The following CCDC146 variants were observed in gnomAD, a reference collection of about 807,000 sequenced individuals.
The protein encoded by CCDC146 is coiled-coil domain containing 146, also known as coiled-coil domain-containing protein 146.
Under a neutral mutation model 119.3 loss-of-function variants are expected in CCDC146, and 92 were observed. The ratio of observed to expected loss-of-function variants is 0.77; its 90% CI spans 0.65 to 0.92. CCDC146 has a LOEUF of 0.92. Ranked by LOEUF, CCDC146 falls within the 40% of genes least tolerant of loss-of-function variation. The pLI, the probability that CCDC146 is intolerant of heterozygous loss-of-function variation, is 0.00. For synonymous variants in CCDC146, 372 were observed against 371.8 expected (o/e 1.00, Z -0.01); for missense variants, 1,000 against 1,103.0 (o/e 0.91, Z 1.32).
chr7:77,223,594 TGGACAGGCCAAA>T (rs1584087605), intron 2 of CCDC146, among the ~76,000 whole-genome samples: 1 of 152,398 alleles, frequency 6.6e-6, no homozygotes, highest in East Asian at 1.9e-4. Flanking sequence ...TCCAGGCCTA[TGGACAGGCCAAA>T]TTACCTTGCT....
chr7:77,292,803 T>G, intron 17 of CCDC146, 149 bp from the exon 18 acceptor site: 1 of 737,960 alleles, frequency 1.4e-6, no homozygotes, highest in Non-Finnish European at 2.2e-6. Flanking sequence ...CTGCAGTCTC[T>G]TCCAGTTCTT....
At chr7:77,197,003 G>A (rs1182220748) in intron 2 of CCDC146, 2 of 1,433,056 alleles carry the variant, frequency 1.4e-6, no homozygotes, top group Non-Finnish European at 1.9e-6. Context: ...GGAAATAAAA[G>A]GAAGGCATTG....
At chr7:77,131,076 T>A (rs1790779764) in intron 1 of CCDC146, among the ~76,000 whole-genome samples, 1 of 151,790 alleles carries the variant, frequency 6.6e-6, no homozygotes, top group South Asian at 2.1e-4. Context: ...AAAGACGGGG[T>A]TTCACCATGT....
intron 15 of CCDC146, among the ~76,000 whole-genome samples, chr7:77,283,439 T>A (rs1304710350): frequency 6.6e-6 from 1 of 152,198 alleles, no homozygotes; most frequent in East Asian, 1.9e-4. Context: ...AAATAAAAAC[T>A]GTGTAGCCTA....
chr7:77,240,894 T>C (rs1792830250), intron 3 of CCDC146, among the ~76,000 whole-genome samples: 1 of 152,172 alleles, frequency 6.6e-6, no homozygotes. Context: ...CCACTATATT[T>C]AGCCCTCATC....
chr7:77,133,636 G>T (rs894678474), intron 1 of CCDC146, among the ~76,000 whole-genome samples: 2 of 144,518 alleles, frequency 1.4e-5, no homozygotes, highest in African/African-American at 5.0e-5. Context: ...GAGCCACCAC[G>T]CCCAGCCTGG....
intron 9 of CCDC146, among the ~76,000 whole-genome samples, chr7:77,266,065 G>A (rs1304532336): frequency 6.6e-6 from 1 of 152,128 alleles, no homozygotes; most frequent in African/African-American, 2.4e-5. Flanking sequence ...CTTCCACGTG[G>A]CACTGAAAAG....
At chr7:77,225,360 G>A (rs1248954637) in intron 2 of CCDC146, among the ~76,000 whole-genome samples, 2 of 151,294 alleles carry the variant, frequency 1.3e-5, no homozygotes, top group African/African-American at 4.9e-5. Context: ...ACCAGCCTGG[G>A]CAACGTAGTG....
intron 4 of CCDC146, among the ~76,000 whole-genome samples, chr7:77,242,958 G>C (rs560551821): frequency 1.5e-4 from 23 of 152,154 alleles, no homozygotes; most frequent in African/African-American, 4.8e-4. Flanking sequence ...GAAAATTGGA[G>C]GTTTTTTTGT....
chr7:77,167,792 T>C lies in CCDC146; in HGVS notation c.124T>C (p.Ser42Pro), dbSNP rs1310526283. ...NIQDERFVDL[S>P]ETPAFIFLHE... ...TCAAGATGAGCGGTTTGTTGATTTA[T>C]CTGAAACTCCAGCTTTCATTTTTCT... The change falls in exon 2 of 19, where the codon TCT (serine) becomes CCT (proline). Residue 42 changes from serine (S) to proline (P), a missense_variant. By Grantham distance (74) the Ser-to-Pro change is moderately conservative (BLOSUM62 -1). Around this residue, in one of 2 missense-constraint regions of CCDC146, gnomAD observed 15 missense variants for 57.7 expected, o/e 0.26. Coordinates refer to ENST00000285871, the MANE Select transcript of CCDC146 (RefSeq NM_020879.3). The C allele has an allele frequency of 7.4e-6, 12 of 1,612,066 alleles. No individual in the cohort carries two copies. The East Asian group carries it at 2.5e-4, about 33-fold the overall frequency.
chr7:77,256,794 A>T (rs1793188063), intron 6 of CCDC146, among the ~76,000 whole-genome samples: 1 of 152,188 alleles, frequency 6.6e-6, no homozygotes, highest in Non-Finnish European at 1.5e-5. Flanking sequence ...AGTGTCACAA[A>T]CACAATTGTT....
At chr7:77,203,044 C>T (rs1241259135) in intron 2 of CCDC146, among the ~76,000 whole-genome samples, 1 of 129,340 alleles carries the variant, frequency 7.7e-6, no homozygotes, top group Non-Finnish European at 1.6e-5. Context: ...CCCCCCCCCC[C>T]CAGGACTATT....
At chr7:77,194,019 T>G (rs1791820627) in intron 2 of CCDC146, 1 of 152,472 alleles carries the variant, frequency 6.6e-6, no homozygotes, top group South Asian at 2.1e-4. Flanking sequence ...TTACAGAATT[T>G]ACTAGAAAAG....
intron 2 of CCDC146, chr7:77,199,636 C>T (rs2075761): frequency 0.11 from 173,325 of 1,614,050 alleles, 12,029 homozygotes; most frequent in East Asian, 0.31. Context: ...GGGGCACTCC[C>T]CTGCCTCTTC....
chr7:77,258,458 C>T (rs970436289), intron 6 of CCDC146, among the ~76,000 whole-genome samples: 2 of 152,200 alleles, frequency 1.3e-5, no homozygotes, highest in Non-Finnish European at 2.9e-5. Context: ...TTCAAGTACC[C>T]ATGCAACCAT....
At chr7:77,146,207 G>A (rs1324806434) in intron 1 of CCDC146, among the ~76,000 whole-genome samples, 1 of 151,924 alleles carries the variant, frequency 6.6e-6, no homozygotes, top group Non-Finnish European at 1.5e-5. Flanking sequence ...TTGGTTTAAA[G>A]TCTGTTTTAT....
At chr7:77,214,555 A>G (rs1028980326) in intron 2 of CCDC146, among the ~76,000 whole-genome samples, 1 of 152,130 alleles carries the variant, frequency 6.6e-6, no homozygotes, top group Non-Finnish European at 1.5e-5. Context: ...TAGGATTTAT[A>G]TAGTTTGAGG....
intron 2 of CCDC146, among the ~76,000 whole-genome samples, chr7:77,191,776 G>A (rs1476889465): frequency 1.3e-5 from 2 of 152,042 alleles, no homozygotes; most frequent in East Asian, 1.9e-4. Context: ...TGGGTGTGGT[G>A]GCGGGCACCT....
At chr7:77,285,674 T>C (rs1793834738) in intron 15 of CCDC146, among the ~76,000 whole-genome samples, 1 of 152,220 alleles carries the variant, frequency 6.6e-6, no homozygotes, top group African/African-American at 2.4e-5. Flanking sequence ...AAAATAATGC[T>C]TGTTGGTTGT....
Sources: gnomAD v4.1 joint callset for allele counts (sites outside exome capture counted in the v4.1 genomes callset) on GRCh38, gnomAD v4.1.1 for gene constraint, gnomAD v4.1.1 regional missense constraint, MANE v1.5 for transcripts, NCBI Gene and HGNC (gene_info 2026-07-23, HGNC 2026-07-21) for gene names.